The following OR3A2 variants were observed in gnomAD, a reference collection of about 807,000 sequenced individuals.
OR3A2 encodes the protein olfactory receptor 3A2.
For synonymous variants in OR3A2, 126 were observed against 159.3 expected (o/e 0.79, Z 1.57); for missense variants, 318 against 392.8 (o/e 0.81, Z 1.61).
At chr17:3,281,427 G>T (rs991682065) in intron 1 of OR3A2, among the ~76,000 whole-genome samples, 4 of 151,904 alleles carry the variant, frequency 2.6e-5, no homozygotes, top group African/African-American at 7.3e-5. Flanking sequence ...GTAGAGATGG[G>T]GTTTCACCAT....
intron 2 of OR3A2, among the ~76,000 whole-genome samples, chr17:3,376,884 C>G (rs1446808640): frequency 6.6e-6 from 1 of 152,124 alleles, no homozygotes; most frequent in East Asian, 1.9e-4. Flanking sequence ...GACTGGAGAC[C>G]AGGGGTGCCT....
chr17:3,379,963 AC>A (rs1479604376), intron 2 of OR3A2, among the ~76,000 whole-genome samples: 3 of 152,126 alleles, frequency 2.0e-5, no homozygotes, highest in African/African-American at 7.2e-5. Flanking sequence ...CTAGCTGAGG[AC>A]TGAGGAGTCC....
At chr17:3,285,718 G>T (rs374332731), upstream of OR3A2, among the ~76,000 whole-genome samples, 2 of 152,318 alleles carry the variant, frequency 1.3e-5, no homozygotes, top group African/African-American at 4.8e-5. Context: ...AGCCCAGGAG[G>T]TGGAGGCTGC....
In OR3A2 at chr17:3,311,007, T is replaced by C. The variant is rs1231603791; in HGVS notation, c.-85+25026A>G. ...GGCAGCTGCAGTCCTGCGAATCCGCTCTGCAGAGGGCAGAAAGAAAGCCTT... is the reference window on the plus strand; with the variant it reads ...GGCAGCTGCAGTCCTGCGAATCCGCCCTGCAGAGGGCAGAAAGAAAGCCTT... On this transcript the variant is annotated intron_variant, in intron 3 of 4. Coordinates refer to the OR3A2 transcript ENST00000573491. This position sits in a 1 kb window ranked among gnomAD's most constrained non-coding sequence, Gnocchi z 4.6. 3.6e-6 allele frequency: 2 copies of C among 549,962 alleles called. No individual in the cohort carries two copies. Among genetic ancestry groups the C allele is most frequent in the Non-Finnish European group, 7.4e-6 (2 of 271,146 alleles). 34.1% of individuals were successfully genotyped at this position (549,962 alleles called of 1,614,324 possible).
At chr17:3,357,158 G>T (rs759567434) in intron 2 of OR3A2, among the ~76,000 whole-genome samples, 2 of 151,702 alleles carry the variant, frequency 1.3e-5, no homozygotes, top group African/African-American at 2.4e-5. Context: ...TTGCCTGTTT[G>T]CATAGGTGGT....
rs144847762 is a variant in OR3A2 at position 3,300,577 on chromosome 17, A to G, written c.-84-21424T>C. ...CGGTCTCAAAATAAATAAATTAATTAATTAATTAAATAAAATCACAATAGA... is the reference window on the plus strand; with the variant it reads ...CGGTCTCAAAATAAATAAATTAATTGATTAATTAAATAAAATCACAATAGA... On this transcript the variant is annotated intron_variant, in intron 3 of 4. Transcript: ENST00000573491. Among the ~76,000 whole-genome samples, 547 of 152,258 alleles carry G rather than the reference A, an allele frequency of 3.6e-3. 4 individuals carry two copies. Among genetic ancestry groups the G allele is most frequent in the African/African-American group, 0.013 (523 of 41,542 alleles).
intron 2 of OR3A2, among the ~76,000 whole-genome samples, chr17:3,340,910 G>T (rs966702753): frequency 6.6e-6 from 1 of 152,164 alleles, no homozygotes; most frequent in Non-Finnish European, 1.5e-5. Context: ...AAGTCTCTTT[G>T]TAGATCTCTC....
intron 2 of OR3A2, among the ~76,000 whole-genome samples, chr17:3,350,187 C>T (rs1597353733): frequency 6.6e-6 from 1 of 151,774 alleles, no homozygotes; most frequent in East Asian, 1.9e-4. Flanking sequence ...AAAATCAGAG[C>T]AGAACTGAAG....
At chr17:3,296,122 T>C (rs1322100317) in intron 3 of OR3A2, among the ~76,000 whole-genome samples, 1 of 151,954 alleles carries the variant, frequency 6.6e-6, no homozygotes. Context: ...AACCAGAAAT[T>C]CAGCAAACTT....
chr17:3,284,987 C>A (rs190511792), upstream of OR3A2, among the ~76,000 whole-genome samples: 324 of 152,204 alleles, frequency 2.1e-3, 2 homozygotes, highest in Non-Finnish European at 2.1e-3. Flanking sequence ...AGTAGTGAGG[C>A]GCTTTCTCTC....
At chr17:3,310,304 G>A (rs2049030186) in intron 3 of OR3A2, 3 of 530,016 alleles carry the variant, frequency 5.7e-6, no homozygotes. Flanking sequence ...GCTAGTGGAA[G>A]ACAGCCATGG....
chr17:3,358,902 G>T (rs984403779), intron 2 of OR3A2, among the ~76,000 whole-genome samples: 3 of 151,530 alleles, frequency 2.0e-5, no homozygotes, highest in Admixed American at 2.0e-4. Flanking sequence ...CCTTATTATT[G>T]TTCAAGAGTC....
At chr17:3,386,016 GC>G (rs561800316) in intron 1 of OR3A2, 108 bp downstream of exon 1, 21 of 398,660 alleles carry the variant, frequency 5.3e-5, no homozygotes, top group African/African-American at 3.5e-4. Context: ...TGCTGTTCCT[GC>G]TCTGCCTTGG....
chr17:3,360,968 G>C (rs1474653685), intron 2 of OR3A2, among the ~76,000 whole-genome samples: 4 of 151,560 alleles, frequency 2.6e-5, no homozygotes, highest in African/African-American at 9.8e-5. Context: ...GTCATTGGTA[G>C]CTTGATGGGG....
intron 3 of OR3A2, among the ~76,000 whole-genome samples, chr17:3,319,068 TG>T (rs1355296145): frequency 6.6e-6 from 1 of 152,200 alleles, no homozygotes; most frequent in African/African-American, 2.4e-5. Flanking sequence ...CACCAAATCA[TG>T]GTGTACACTG....
upstream of OR3A2, among the ~76,000 whole-genome samples, chr17:3,285,054 T>G (rs1290175323): frequency 1.3e-5 from 2 of 151,964 alleles, no homozygotes; most frequent in Non-Finnish European, 2.9e-5. Context: ...CTATAATGAT[T>G]CTAGAGGTGG....
chr17:3,330,263 T>A (rs1228003785), intron 3 of OR3A2, among the ~76,000 whole-genome samples: 1 of 151,456 alleles, frequency 6.6e-6, no homozygotes, highest in African/African-American at 2.4e-5. Context: ...TTCCTGGGTA[T>A]CCTTGTTGAC....
chr17:3,383,955 AATATTGT>A (rs2049758639), intron 1 of OR3A2: 2 of 63,654 alleles, frequency 3.1e-5, no homozygotes, highest in East Asian at 4.3e-4. Flanking sequence ...TTATTGAATA[AATATTGT>A]ATACAAATAT....
At chr17:3,358,700 T>C (rs763557054) in intron 2 of OR3A2, among the ~76,000 whole-genome samples, 1 of 151,796 alleles carries the variant, frequency 6.6e-6, no homozygotes, top group Non-Finnish European at 1.5e-5. Flanking sequence ...TGTCTAATTA[T>C]GTGGTTAATT....
Sources: allele counts gnomAD v4.1 joint callset (sites outside exome capture counted in the v4.1 genomes callset), GRCh38; gene constraint gnomAD v4.1.1; non-coding constraint Gnocchi (gnomAD v3.1); transcripts MANE v1.5; gene names NCBI Gene and HGNC (gene_info 2026-07-23, HGNC 2026-07-21).